RNF149: variants seen among roughly 807,000 people sequenced by gnomAD.
RNF149 encodes the protein E3 ubiquitin-protein ligase RNF149.
RNF149 carries 21 observed loss-of-function variants against 39.0 expected under a neutral mutation model. That is an observed-to-expected ratio of 0.54 (90% CI 0.38 to 0.77). The LOEUF is 0.77. RNF149 is among the 30% of genes least tolerant of loss of function. The probability of loss-of-function intolerance (pLI) is 0.00; values close to 1 mark genes in which losing one functional copy is unlikely to be tolerated. For missense variants in RNF149, 493 were observed against 534.9 expected (o/e 0.92, Z 0.77); for synonymous variants, 209 against 213.6 (o/e 0.98, Z 0.19).
chr2:101,304,795 C>T (rs1222788343), intron 1 of RNF149, among the ~76,000 whole-genome samples: 1 of 150,518 alleles, frequency 6.6e-6, no homozygotes, highest in East Asian at 2.0e-4. Flanking sequence ...TTCAGAAAAA[C>T]TGGAGACATT....
At chr2:101,288,192 C>T (rs1337910605) in intron 4 of RNF149, among the ~76,000 whole-genome samples, 1 of 143,132 alleles carries the variant, frequency 7.0e-6, no homozygotes, top group Non-Finnish European at 1.5e-5. Context: ...GCTACTAAAA[C>T]AAAACCCTTA....
At chr2:101,300,204 G>C (rs774713291) in intron 1 of RNF149, among the ~76,000 whole-genome samples, 1 of 152,212 alleles carries the variant, frequency 6.6e-6, no homozygotes, top group Non-Finnish European at 1.5e-5. Flanking sequence ...AGCAAAGGAA[G>C]AGGGTTTCTA....
chr2:101,274,201 AAGACCAC>A (rs1682246440), downstream of RNF149, among the ~76,000 whole-genome samples: 1 of 152,126 alleles, frequency 6.6e-6, no homozygotes, highest in East Asian at 1.9e-4. Flanking sequence ...CACCTTGCCA[AAGACCAC>A]ATGCTTGCAA....
At chr2:101,284,789 AC>A (rs1419256905) in intron 5 of RNF149, among the ~76,000 whole-genome samples, 1 of 152,140 alleles carries the variant, frequency 6.6e-6, no homozygotes, top group Non-Finnish European at 1.5e-5. Context: ...CATTTAAAAA[AC>A]CCCAAATTGT....
At chr2:101,273,394 AC>A, downstream of RNF149, 1 of 469,898 alleles carries the variant, frequency 2.1e-6, no homozygotes, top group Non-Finnish European at 4.4e-6. Flanking sequence ...TAACAATGAA[AC>A]CTGATTTATT....
chr2:101,298,877 T>C (rs1683343106), intron 1 of RNF149, among the ~76,000 whole-genome samples: 2 of 152,202 alleles, frequency 1.3e-5, no homozygotes, highest in Non-Finnish European at 1.5e-5. Context: ...CTTTTAGGCA[T>C]GGTGGCTTAC....
At chr2:101,280,842 G>C (rs1346059187) in intron 6 of RNF149, among the ~76,000 whole-genome samples, 1 of 152,122 alleles carries the variant, frequency 6.6e-6, no homozygotes, top group Non-Finnish European at 1.5e-5. Context: ...AATGAGTCTA[G>C]ACAACATGGT....
Position 101,286,149 on chromosome 2 carries a change from G to T in RNF149, c.892C>A (p.Pro298Thr). Residue 298 changes from proline (P) to threonine (T), a missense_variant, in exon 5 of 7, where the codon CCA (proline) becomes ACA (threonine). Physicochemically the swap from Pro to Thr is conservative, Grantham distance 38. Coordinates refer to ENST00000295317, the MANE Select transcript of RNF149 (RefSeq NM_173647.4). ...KHIFHRICID[P>T]WLLDHRTCPM... is the part of the protein sequence containing the mutation. Reference sequence around the variant, plus strand: ...CATGTTCGGTGATCCAAAAGCCATGGGTCAATGCATATTCTATGAAAAATA... The same window carrying T: ...CATGTTCGGTGATCCAAAAGCCATGTGTCAATGCATATTCTATGAAAAATA... The T allele has an allele frequency of 6.2e-7, 1 of 1,607,922 alleles. No homozygotes were observed. The highest frequency in any genetic ancestry group is 1.3e-5 in the African/African-American group (1 of 74,856).
chr2:101,285,468 A>G (rs1351658270), intron 5 of RNF149, among the ~76,000 whole-genome samples: 5 of 152,192 alleles, frequency 3.3e-5, no homozygotes, highest in Non-Finnish European at 7.3e-5. Flanking sequence ...GAATAGTGAC[A>G]GCACTTATAC....
chr2:101,286,031 C>A lies in RNF149; in HGVS notation c.960+50G>T, dbSNP rs756446924. On this transcript the variant is annotated intron_variant, in intron 5 of 6. Coordinates refer to ENST00000295317, the MANE Select transcript of RNF149 (RefSeq NM_173647.4). ...TCTAGTCAATAATGAAACTGAATCA[C>A]TCAGGAAGAACTGGGGCAGAGATTG... 4.8e-5 allele frequency: 51 copies of A among 1,064,596 alleles called. No homozygotes were observed. The African/African-American group carries it at 6.7e-4, about 14-fold the overall frequency. 65.9% of individuals were successfully genotyped at this position (1,064,596 alleles called of 1,614,324 possible).
rs758570500 is a variant in RNF149, at chr2:101,308,385, C to A, written c.204G>T (p.Ser68=). 2 of 1,609,836 alleles carry A rather than the reference C, an allele frequency of 1.2e-6. No individual in the cohort carries two copies. The highest frequency in any genetic ancestry group is 2.2e-5 in the South Asian group (2 of 90,788). Residue 68 remains serine, a synonymous_variant, in exon 1 of 7, where the codon TCG becomes TCT. Coordinates refer to ENST00000295317, the MANE Select transcript of RNF149 (RefSeq NM_173647.4). ...VSESGRFGDS[S]PKEGAHGLVG... ...CCAGGCCATGCGCGCCCTCCTTGGG[C>A]GAGCTGTCGCCGAAGCGGCCACTCT... is the stretch of plus-strand genomic sequence containing the variant.
Position 101,292,866 on chromosome 2 carries a change from T to C in RNF149, c.780+1148A>G, listed in dbSNP as rs1293164717. ...ACGTTTGTCAAGTAACTGACTATGC[T>C]GAATGTGTGCAGAGTTTGTCACAGG... On this transcript the variant is annotated intron_variant, in intron 3 of 6. Transcript: ENST00000295317. Among the ~76,000 whole-genome samples, 3 of 152,114 alleles carry C rather than the reference T, an allele frequency of 2.0e-5. No homozygotes were observed. In the East Asian group the frequency reaches 5.8e-4, roughly 29 times the overall value.
At chr2:101,301,238 G>GTTT (rs66471016) in intron 1 of RNF149, among the ~76,000 whole-genome samples, 1 of 148,918 alleles carries the variant, frequency 6.7e-6, no homozygotes. Flanking sequence ...GGCAATTTCT[G>GTTT]TTTTTTTTTT....
chr2:101,276,872 T>C lies in RNF149; in HGVS notation c.*366A>G, dbSNP rs1003667739. On this transcript the variant is annotated 3_prime_UTR_variant, in exon 7 of 7. Transcript: ENST00000295317. ...TCCACTTCAACTAGTCTAACATTGA[T>C]GTGCTTTGCCAAAAACCTTGAAAAA... is the stretch of plus-strand genomic sequence containing the variant. The C allele has an allele frequency of 8.8e-6, 9 of 1,017,982 alleles. No individual in the cohort carries two copies. The African/African-American group carries it at 1.6e-4, about 18-fold the overall frequency. The allele number at this position is 1,017,982 out of a possible 1,614,324, so 63.1% of individuals were successfully genotyped here.
rs576277828 is a variant in RNF149, at chr2:101,302,249, C to A, written c.460+5880G>T. Among the ~76,000 whole-genome samples, 3 of 152,222 alleles carry A rather than the reference C, an allele frequency of 2.0e-5. No homozygotes were observed. The East Asian group carries it at 5.8e-4, about 29-fold the overall frequency. On this transcript the variant is annotated intron_variant, in intron 1 of 6. Transcript: ENST00000295317. ...GTGACGGCCCATAAAAAGGCTGCTA[C>A]GTGAATGAATCAATCTGAAAAACTG...
chr2:101,287,140 G>A (rs977415078), intron 4 of RNF149, among the ~76,000 whole-genome samples: 1 of 151,848 alleles, frequency 6.6e-6, no homozygotes, highest in African/African-American at 2.4e-5. Flanking sequence ...TAGCCAACAT[G>A]GTGAAACCCG....
chr2:101,281,869 C>T lies in RNF149; in HGVS notation c.1149G>A (p.Thr383=), dbSNP rs369346448. Residue 383 remains threonine, a synonymous_variant, in exon 6 of 7, where the codon ACG becomes ACA. Coordinates refer to ENST00000295317, the MANE Select transcript of RNF149 (RefSeq NM_173647.4). ...TTGCACACCGCTCACCTAGCAATGC[C>T]GTATTTTCTCCTGCATCTCCTTTAA... is the stretch of plus-strand genomic sequence containing the variant. ...PSFKGDAGEN[T]ALLEAGRSDS... is the part of the protein sequence containing the mutation. The T allele has an allele frequency of 2.2e-5, 36 of 1,613,764 alleles. No homozygotes were observed. The highest frequency in any genetic ancestry group is 7.7e-5 in the South Asian group (7 of 91,076).
At chr2:101,303,362 C>T (rs1290990089) in intron 1 of RNF149, among the ~76,000 whole-genome samples, 1 of 151,314 alleles carries the variant, frequency 6.6e-6, no homozygotes. Flanking sequence ...CCTGACCTCA[C>T]GTGATCCACC....
At chr2:101,283,693 GATAT>G (rs2104394508) in intron 5 of RNF149, among the ~76,000 whole-genome samples, 1 of 152,210 alleles carries the variant, frequency 6.6e-6, no homozygotes, top group East Asian at 1.9e-4. Flanking sequence ...GCATTCTGGG[GATAT>G]ATATTCTAGC....
Sources: allele counts gnomAD v4.1 joint callset (sites outside exome capture counted in the v4.1 genomes callset), GRCh38; gene constraint gnomAD v4.1.1; transcripts MANE v1.5; gene names NCBI Gene and HGNC (gene_info 2026-07-23, HGNC 2026-07-21).